Variants in ANKRD28 observed in about 807,000 individuals in gnomAD.
ANKRD28 encodes serine/threonine-protein phosphatase 6 regulatory ankyrin repeat subunit A.
In ANKRD28, 44 loss-of-function variants were observed where a neutral mutation model predicts 126.5. The observed-to-expected ratio is 0.35, with a 90% confidence interval of 0.27 to 0.45. The LOEUF (loss-of-function observed/expected upper bound fraction) is 0.45. ANKRD28 is among the 20% of genes least tolerant of loss of function. ANKRD28 has a pLI of 1.00. For missense variants in ANKRD28, 1,110 were observed against 1,316.6 expected, an observed-to-expected ratio of 0.84 and a Z score of 2.43; for synonymous variants, 442 against 468.5, an observed-to-expected ratio of 0.94 and a Z score of 0.73.
rs142442160 is a variant in ANKRD28 at position 15,817,282 on chromosome 3, T to C, written c.28-21976A>G. On this transcript the variant is annotated intron_variant, in intron 1 of 27. Coordinates refer to the ANKRD28 transcript ENST00000399451. This position sits in a 1 kb window ranked among gnomAD's most constrained non-coding sequence, Gnocchi z 4.5. ...TACCATGGTTTTTTTTTCCTTGTTA[T>C]TTTGTTTTTGTCCCAACTAGATAGA... Among the ~76,000 whole-genome samples the C allele has an allele frequency of 5.2e-3, 786 of 152,122 alleles. 7 individuals are homozygous for C. The highest frequency in any genetic ancestry group is 0.018 in the African/African-American group (736 of 41,490).
At chr3:15,699,932 A>C (rs7640885) in intron 14 of ANKRD28, among the ~76,000 whole-genome samples, 104,322 of 152,098 alleles carry the variant, frequency 0.69, 36,113 homozygotes, top group East Asian at 0.91. Context: ...AGACACATGC[A>C]CACGTATGTT....
chr3:15,802,595 A>G (rs2060485696), upstream of ANKRD28, among the ~76,000 whole-genome samples: 1 of 152,238 alleles, frequency 6.6e-6, no homozygotes, highest in African/African-American at 2.4e-5. Context: ...TAGAAACTTG[A>G]GCTGTAACAT....
At chr3:15,757,650 T>TA (rs2058235995) in intron 3 of ANKRD28, among the ~76,000 whole-genome samples, 1 of 151,772 alleles carries the variant, frequency 6.6e-6, no homozygotes, top group Non-Finnish European at 1.5e-5. Flanking sequence ...GAGGTTATAC[T>TA]AAAAAGACTG....
intron 1 of ANKRD28, among the ~76,000 whole-genome samples, chr3:15,811,084 T>A (rs190782527): frequency 5.3e-4 from 80 of 152,322 alleles, no homozygotes; most frequent in African/African-American, 1.8e-3. Flanking sequence ...CTTTATTTTT[T>A]ATCTAAATAA....
intron 3 of ANKRD28, among the ~76,000 whole-genome samples, chr3:15,761,651 ATACGATTAGTCTT>A (rs2058462969): frequency 4.6e-5 from 7 of 152,174 alleles, no homozygotes; most frequent in Admixed American, 4.6e-4. Flanking sequence ...TAAAATTTGG[ATACGATTAGTCTT>A]TTACTACCCT....
intron 4 of ANKRD28, among the ~76,000 whole-genome samples, chr3:15,748,874 A>G (rs1394008132): frequency 6.6e-6 from 1 of 151,954 alleles, no homozygotes; most frequent in Non-Finnish European, 1.5e-5. Flanking sequence ...CTTCTTGGAG[A>G]CTTCGTTCAT....
At chr3:15,795,049 C>G (rs978926676) in intron 2 of ANKRD28, among the ~76,000 whole-genome samples, 174 bp downstream of exon 2, 1 of 152,112 alleles carries the variant, frequency 6.6e-6, no homozygotes, top group African/African-American at 2.4e-5. Flanking sequence ...CTACTGGCTG[C>G]TACTGCCCTG....
intron 17 of ANKRD28, among the ~76,000 whole-genome samples, chr3:15,694,054 C>T (rs1575185989): frequency 6.6e-6 from 1 of 151,958 alleles, no homozygotes; most frequent in Non-Finnish European, 1.5e-5. Context: ...CTCAAAGTAC[C>T]CCCTTCCCTA....
intron 1 of ANKRD28, among the ~76,000 whole-genome samples, chr3:15,818,451 C>T (rs1036647000): frequency 6.6e-6 from 1 of 152,156 alleles, no homozygotes; most frequent in Non-Finnish European, 1.5e-5. Flanking sequence ...CGTGTTTAGA[C>T]TTGGGTCCCA....
At chr3:15,674,594 T>C (rs1311108719) in intron 27 of ANKRD28, among the ~76,000 whole-genome samples, 1 of 152,126 alleles carries the variant, frequency 6.6e-6, no homozygotes, top group East Asian at 1.9e-4. Flanking sequence ...GCTGGAGATA[T>C]AAATCTGGGA....
intron 5 of ANKRD28, among the ~76,000 whole-genome samples, 162 bp downstream of exon 5, chr3:15,736,871 C>A (rs1553612791): frequency 1.3e-5 from 2 of 152,150 alleles, no homozygotes; most frequent in Non-Finnish European, 2.9e-5. Flanking sequence ...CTACTACATA[C>A]ATTTCTAAAT....
At chr3:15,698,286 C>T (rs529222307) in intron 14 of ANKRD28, among the ~76,000 whole-genome samples, 1 of 152,182 alleles carries the variant, frequency 6.6e-6, no homozygotes, top group Admixed American at 6.5e-5. Context: ...CAATATCATA[C>T]TGAATGGGCA....
At chr3:15,716,580 G>A (rs569449960) in intron 8 of ANKRD28, among the ~76,000 whole-genome samples, 1 of 152,070 alleles carries the variant, frequency 6.6e-6, no homozygotes, top group East Asian at 1.9e-4. Context: ...CACCATGCCT[G>A]GCCAGCTATA....
rs2060840377 is a variant in ANKRD28, at chr3:15,816,777, T to C, written c.28-21471A>G. On this transcript the variant is annotated intron_variant, in intron 1 of 27. Transcript: ENST00000399451. This position sits in a 1 kb window ranked among gnomAD's most constrained non-coding sequence, Gnocchi z 5.0. ...AAGTTATTGCCAAAGTGTCTTATAA[T>C]CCAAGACACTGAGAGATAGGAAGCT... is the stretch of plus-strand genomic sequence containing the variant. Among the ~76,000 whole-genome samples, 1 of 152,180 alleles carries C rather than the reference T, an allele frequency of 6.6e-6. No individual in the cohort carries two copies. Among genetic ancestry groups the C allele is most frequent in the Non-Finnish European group, 1.5e-5 (1 of 68,022 alleles).
In ANKRD28 at chr3:15,838,659, A is replaced by G. The variant is rs1165998089; in HGVS notation, c.27+20718T>C. ...GCTACTTGGGAGGCTGAGGCAGGAG[A>G]ACTACTTGAACCCAGGAGGTAGAGG... On this transcript the variant is annotated intron_variant, in intron 1 of 27. Transcript: ENST00000399451. This position sits in a 1 kb window ranked among gnomAD's most constrained non-coding sequence, Gnocchi z 4.0. Among the ~76,000 whole-genome samples, 1 of 152,028 alleles carries G rather than the reference A, an allele frequency of 6.6e-6. No homozygotes were observed. The highest frequency in any genetic ancestry group is 2.4e-5 in the African/African-American group (1 of 41,376).
chr3:15,677,938 A>C (rs564837303), intron 24 of ANKRD28, among the ~76,000 whole-genome samples: 1 of 152,294 alleles, frequency 6.6e-6, no homozygotes, highest in South Asian at 2.1e-4. Flanking sequence ...CATTTAGCTG[A>C]AAGATCTAGG....
intron 4 of ANKRD28, among the ~76,000 whole-genome samples, chr3:15,737,966 G>A (rs2075147144): frequency 6.7e-6 from 1 of 150,190 alleles, no homozygotes; most frequent in Non-Finnish European, 1.5e-5. Flanking sequence ...AGAAAGTTAA[G>A]GCAATTTAAG....
rs1456076475 is a variant in ANKRD28, at chr3:15,853,358, T to C, written c.27+6019A>G. On this transcript the variant is annotated intron_variant, in intron 1 of 27. Transcript: ENST00000399451. The surrounding 1 kb of genome is among the most constrained non-coding windows in gnomAD (Gnocchi z 4.2). ...CATTCACTGAATATAAATTTTACAT[T>C]AGACTAGAAAATTAAAAAGGAAATA... is the stretch of plus-strand genomic sequence containing the variant. Among the ~76,000 whole-genome samples, 7 of 152,164 alleles carry C rather than the reference T, an allele frequency of 4.6e-5. No homozygotes were observed. The highest frequency in any genetic ancestry group is 8.8e-5 in the Non-Finnish European group (6 of 68,026).
chr3:15,723,327 C>A (rs2073917500), intron 7 of ANKRD28, among the ~76,000 whole-genome samples: 1 of 152,238 alleles, frequency 6.6e-6, no homozygotes, highest in African/African-American at 2.4e-5. Flanking sequence ...TCCAACCAGG[C>A]TATCACCTAC....
Sources: gnomAD v4.1 joint callset for allele counts (sites outside exome capture counted in the v4.1 genomes callset) on GRCh38, gnomAD v4.1.1 for gene constraint, Gnocchi (gnomAD v3.1) non-coding constraint, MANE v1.5 for transcripts, NCBI Gene and HGNC (gene_info 2026-07-23, HGNC 2026-07-21) for gene names.